The following GLDC variants were observed in gnomAD, a reference collection of about 807,000 sequenced individuals.
GLDC encodes the protein glycine decarboxylase.
Under a neutral mutation model 121.3 loss-of-function variants are expected in GLDC, and 104 were observed. The ratio of observed to expected loss-of-function variants is 0.86; its 90% confidence interval spans 0.73 to 1.01. GLDC has a LOEUF of 1.01. Among genes scored for constraint, GLDC ranks in the 50% least tolerant of loss-of-function variants. The pLI, the probability that GLDC is intolerant of heterozygous loss-of-function variation, is 0.00. For missense variants in GLDC, 1,429 were observed against 1,306.6 expected (o/e 1.09, Z -1.44); for synonymous variants, 546 against 480.6 (o/e 1.14, Z -1.78).
intron 15 of GLDC, among the ~76,000 whole-genome samples, chr9:6,574,103 C>T (rs756346067): frequency 2.0e-5 from 3 of 152,138 alleles, no homozygotes; most frequent in Non-Finnish European, 4.4e-5. Flanking sequence ...AGTCAAAAAA[C>T]GTAGATAAAT....
At chr9:6,558,096 G>A (rs1256078817) in intron 17 of GLDC, 1 of 239,992 alleles carries the variant, frequency 4.2e-6, no homozygotes, top group Non-Finnish European at 8.1e-6. Flanking sequence ...ACTTCTTCCT[G>A]GAGGTTGGGA....
At chr9:6,616,382 G>T (rs1818967255) in intron 3 of GLDC, among the ~76,000 whole-genome samples, 1 of 152,140 alleles carries the variant, frequency 6.6e-6, no homozygotes. Flanking sequence ...CTTTAAAATT[G>T]TTGTCTTGCA....
chr9:6,588,562 A>G, intron 13 of GLDC, 56 bp downstream of exon 13: 2 of 1,479,040 alleles, frequency 1.4e-6, no homozygotes, highest in South Asian at 1.1e-5. Flanking sequence ...AGGTAGGACC[A>G]AGAGACGTGG....
chr9:6,643,746 A>G (rs1179916338), intron 2 of GLDC, among the ~76,000 whole-genome samples: 6 of 152,118 alleles, frequency 3.9e-5, no homozygotes, highest in Admixed American at 1.3e-4. Context: ...TAGAAAAACC[A>G]TTCGGGGTAG....
chr9:6,641,148 G>GAACC (rs1004324428), intron 2 of GLDC, among the ~76,000 whole-genome samples: 3 of 152,210 alleles, frequency 2.0e-5, no homozygotes, highest in African/African-American at 7.2e-5. Context: ...AGTGACTGAT[G>GAACC]AACCACCCGT....
chr9:6,572,245 A>C (rs1454756606), intron 15 of GLDC, among the ~76,000 whole-genome samples: 2 of 152,252 alleles, frequency 1.3e-5, no homozygotes, highest in Non-Finnish European at 2.9e-5. Flanking sequence ...ACAGAACGGG[A>C]GAAAGTATCT....
rs971500543 is a variant in GLDC, at chr9:6,622,496, G to A, written c.335-2177C>T. Among the ~76,000 whole-genome samples the A allele has an allele frequency of 8.5e-5, 13 of 152,132 alleles. No individual in the cohort carries two copies. The East Asian group carries it at 2.3e-3, about 27-fold the overall frequency. On this transcript the variant is annotated intron_variant, in intron 2 of 24. Transcript: ENST00000321612. Reference sequence around the variant, plus strand: ...TAACCGCGAGTGATCCGCCAGCCTCGGCCTCCCGAGGTGCCGGGATTGCAG... The same window carrying A: ...TAACCGCGAGTGATCCGCCAGCCTCAGCCTCCCGAGGTGCCGGGATTGCAG...
chr9:6,537,222 G>C (rs1817146703), intron 22 of GLDC, among the ~76,000 whole-genome samples: 1 of 151,984 alleles, frequency 6.6e-6, no homozygotes, highest in Non-Finnish European at 1.5e-5. Context: ...CATAGACAGA[G>C]TTTCACCATG....
chr9:6,567,535 T>C (rs1438776231), intron 15 of GLDC: 1 of 152,248 alleles, frequency 6.6e-6, no homozygotes, highest in Non-Finnish European at 1.5e-5. Flanking sequence ...TACAACTCTC[T>C]GCAAAGCCTT....
intron 13 of GLDC, 44 bp downstream of exon 13, chr9:6,588,574 A>G (rs1303705543): frequency 6.7e-7 from 1 of 1,503,222 alleles, no homozygotes; most frequent in South Asian, 1.1e-5. Context: ...GAGACGTGGG[A>G]TTGGGGTAGC....
chr9:6,637,066 A>G (rs1355243617), intron 2 of GLDC, among the ~76,000 whole-genome samples: 2 of 151,156 alleles, frequency 1.3e-5, no homozygotes, highest in African/African-American at 4.9e-5. Context: ...CCTGGGTGAC[A>G]GAGCAGAACT....
intron 16 of GLDC, among the ~76,000 whole-genome samples, chr9:6,563,259 C>A (rs1301499526): frequency 2.0e-5 from 3 of 152,236 alleles, no homozygotes; most frequent in African/African-American, 7.2e-5. Context: ...TTCCTGGTGT[C>A]AGATTGGGAA....
intron 8 of GLDC, among the ~76,000 whole-genome samples, chr9:6,596,005 G>A (rs7864644): frequency 0.53 from 81,117 of 151,974 alleles, 22,145 homozygotes; most frequent in Middle Eastern, 0.58. Flanking sequence ...AAACATGGAA[G>A]TAGGCATTCT....
At chr9:6,592,748 T>C (rs1010599206) in intron 10 of GLDC, 103 bp downstream of exon 10, 61 of 1,150,424 alleles carry the variant, frequency 5.3e-5, no homozygotes, top group Non-Finnish European at 7.8e-5. Context: ...GGACTGTGCC[T>C]AAAGTTTTCC....
At chr9:6,624,060 A>C (rs572557959) in intron 2 of GLDC, among the ~76,000 whole-genome samples, 1 of 152,352 alleles carries the variant, frequency 6.6e-6, no homozygotes, top group African/African-American at 2.4e-5. Flanking sequence ...AAAGCTGGAT[A>C]GTATGATTCT....
chr9:6,601,916 C>G (rs1013084469), intron 8 of GLDC, among the ~76,000 whole-genome samples, 193 bp downstream of exon 8: 1 of 152,164 alleles, frequency 6.6e-6, no homozygotes, highest in South Asian at 2.1e-4. Flanking sequence ...CAGGCATGAG[C>G]CACCGTACCC....
chr9:6,569,801 C>T (rs2129773586), intron 15 of GLDC, among the ~76,000 whole-genome samples: 1 of 152,132 alleles, frequency 6.6e-6, no homozygotes, highest in Admixed American at 6.5e-5. Flanking sequence ...CATGGCAAAA[C>T]CCTGTCTCTA....
At chr9:6,573,168 G>C (rs568798390) in intron 15 of GLDC, among the ~76,000 whole-genome samples, 1 of 152,240 alleles carries the variant, frequency 6.6e-6, no homozygotes, top group Non-Finnish European at 1.5e-5. Context: ...CCAGCTACTA[G>C]GGAGGCTGAG....
At chr9:6,575,450 C>T (rs1397963117) in intron 15 of GLDC, among the ~76,000 whole-genome samples, 1 of 152,180 alleles carries the variant, frequency 6.6e-6, no homozygotes, top group African/African-American at 2.4e-5. Context: ...AATGCAAATT[C>T]TGGGGCCCTA....
Sources: allele counts gnomAD v4.1 joint callset (sites outside exome capture counted in the v4.1 genomes callset), GRCh38; gene constraint gnomAD v4.1.1; transcripts MANE v1.5; gene names NCBI Gene and HGNC (gene_info 2026-07-23, HGNC 2026-07-21).